The following RMND5A variants were observed in gnomAD, a reference collection of about 807,000 sequenced individuals.
RMND5A encodes E3 ubiquitin-protein transferase RMND5A.
A neutral mutation model predicts 49.7 loss-of-function variants in RMND5A; 17 were observed. That is an observed-to-expected ratio of 0.34 (90% confidence interval 0.23 to 0.51). The LOEUF (loss-of-function observed/expected upper bound fraction) is 0.51. Among genes scored for constraint, RMND5A ranks in the 20% least tolerant of loss-of-function variants. The pLI is 0.96. For missense variants in RMND5A, 255 were observed against 471.3 expected (o/e 0.54, Z 4.25); for synonymous variants, 156 against 167.7 (o/e 0.93, Z 0.54).
intron 2 of RMND5A, among the ~76,000 whole-genome samples, chr2:86,743,715 G>A (rs149819712): frequency 2.9e-4 from 44 of 152,252 alleles, no homozygotes; most frequent in Non-Finnish European, 5.7e-4. Context: ...GCTGGGCGTG[G>A]TGGCTCACAC....
chr2:86,767,113 G>T (rs2104409599), intron 6 of RMND5A, among the ~76,000 whole-genome samples: 1 of 152,216 alleles, frequency 6.6e-6, no homozygotes, highest in East Asian at 1.9e-4. Context: ...CCCCTGGCTG[G>T]AGTGTAGTGG....
intron 4 of RMND5A, among the ~76,000 whole-genome samples, chr2:86,759,612 G>GCCCCCCCCCC (rs144501224): frequency 8.2e-5 from 12 of 146,126 alleles, no homozygotes; most frequent in Non-Finnish European, 1.4e-4. Flanking sequence ...TAGTTTGCTT[G>GCCCCCCCCCC]CCCCCCCGCC....
chr2:86,757,458 C>T (rs1681764245), intron 4 of RMND5A, among the ~76,000 whole-genome samples: 1 of 152,104 alleles, frequency 6.6e-6, no homozygotes, highest in African/African-American at 2.4e-5. Context: ...AGTAGGCCCT[C>T]AATGAATAAC....
chr2:86,773,812 G>A lies in RMND5A; in HGVS notation c.*401G>A, dbSNP rs1334282046. The A allele has an allele frequency of 6.4e-6, 1 of 155,164 alleles. No homozygotes were observed. The highest frequency in any genetic ancestry group is 1.4e-5 in the Non-Finnish European group (1 of 69,950). 9.6% of individuals were successfully genotyped at this position (155,164 alleles called of 1,614,324 possible). On this transcript the variant is annotated 3_prime_UTR_variant, in exon 9 of 9. Coordinates refer to ENST00000283632, the MANE Select transcript of RMND5A (RefSeq NM_022780.4). ...AAGCCTTGAGAGTGTTTGTGAAAAA[G>A]TTTTATTTCCTGTTATGTATACATA...
intron 3 of RMND5A, among the ~76,000 whole-genome samples, 185 bp downstream of exon 3, chr2:86,752,215 A>G (rs1681648162): frequency 6.6e-6 from 1 of 152,232 alleles, no homozygotes; most frequent in African/African-American, 2.4e-5. Context: ...GGCAAAAATT[A>G]TAGTTCTAGA....
Position 86,774,760 on chromosome 2 carries a change from C to G in RMND5A, c.*1349C>G, listed in dbSNP as rs1468001596. 6.6e-6 allele frequency: 1 copy of G among 152,540 alleles called. No individual in the cohort carries two copies. The highest frequency in any genetic ancestry group is 1.5e-5 in the Non-Finnish European group (1 of 68,018). The allele number at this position is 152,540 out of a possible 1,614,324, so 9.4% of individuals were successfully genotyped here. On this transcript the variant is annotated 3_prime_UTR_variant, in exon 9 of 9. Coordinates refer to ENST00000283632, the MANE Select transcript of RMND5A (RefSeq NM_022780.4). ...GAGTGAACATCAATAGGAATACTTT[C>G]AAAGAAAATGAAAACACAGAAGCAA...
At chr2:86,771,852 TTG>T (rs1672690304) in intron 8 of RMND5A, 140 bp downstream of exon 8, 1 of 680,248 alleles carries the variant, frequency 1.5e-6, no homozygotes, top group African/African-American at 1.8e-5. Flanking sequence ...TTTGGCAAAG[TTG>T]GTGGTATCTG....
intron 4 of RMND5A, among the ~76,000 whole-genome samples, chr2:86,754,362 G>A (rs1266363237): frequency 6.6e-6 from 1 of 152,206 alleles, no homozygotes; most frequent in African/African-American, 2.4e-5. Context: ...AAAATAAAGG[G>A]AAGAAACTGG....
chr2:86,753,412 C>A (rs771046358), intron 3 of RMND5A, 46 bp from the exon 4 acceptor site: 2 of 1,145,028 alleles, frequency 1.7e-6, no homozygotes, highest in South Asian at 1.3e-5. Context: ...TAGCTCCTTA[C>A]CCTGATTACT....
At chr2:86,769,224 G>A (rs889841961) in intron 6 of RMND5A, among the ~76,000 whole-genome samples, 1 of 152,192 alleles carries the variant, frequency 6.6e-6, no homozygotes, top group Non-Finnish European at 1.5e-5. Context: ...GCAATTACAG[G>A]AGTGAGCCAC....
chr2:86,728,948 A>T (rs1681312846), intron 1 of RMND5A, among the ~76,000 whole-genome samples: 2 of 151,620 alleles, frequency 1.3e-5, no homozygotes, highest in Admixed American at 1.3e-4. Flanking sequence ...TAGAGACGAG[A>T]TTTTACCATG....
At chr2:86,753,875 G>A (rs1681683984) in intron 4 of RMND5A, among the ~76,000 whole-genome samples, 1 of 152,206 alleles carries the variant, frequency 6.6e-6, no homozygotes, top group Admixed American at 6.5e-5. Flanking sequence ...GCCAGTGCAA[G>A]TTTGATATTT....
intron 1 of RMND5A, among the ~76,000 whole-genome samples, chr2:86,734,109 AACAGGGCTTTCCC>A (rs1387838975): frequency 7.1e-6 from 1 of 140,188 alleles, no homozygotes; most frequent in African/African-American, 3.0e-5. Context: ...TTTCTCTCTT[AACAGGGCTTTCCC>A]AGGGTTCTCT....
intron 4 of RMND5A, among the ~76,000 whole-genome samples, chr2:86,764,756 G>A (rs1235037845): frequency 1.3e-5 from 2 of 152,196 alleles, no homozygotes; most frequent in Non-Finnish European, 2.9e-5. Context: ...GTGGTCCTAT[G>A]CAAGTTCAGA....
At chr2:86,760,963 GAAGT>G (rs1351709848) in intron 4 of RMND5A, among the ~76,000 whole-genome samples, 3 of 121,368 alleles carry the variant, frequency 2.5e-5, no homozygotes, top group East Asian at 5.3e-4. Flanking sequence ...TTGAGAGAGA[GAAGT>G]GTGTGTGTGT....
Position 86,765,194 on chromosome 2 carries a change from G to A in RMND5A, c.688+1G>A. 1.9e-6 allele frequency: 3 copies of A among 1,578,592 alleles called. No homozygotes were observed. The highest frequency in any genetic ancestry group is 1.7e-6 in the Non-Finnish European group (2 of 1,166,970). ...CCATTTGCCCTAAATCATCAAAAAG[G>A]TGAGTCTAGAGTCAGATGTTATTAA... On this transcript the variant is annotated splice_donor_variant, in intron 5 of 8. Coordinates refer to ENST00000283632, the MANE Select transcript of RMND5A (RefSeq NM_022780.4). LOFTEE classifies it high-confidence loss of function.
At chr2:86,755,117 T>A (rs975311194) in intron 4 of RMND5A, among the ~76,000 whole-genome samples, 17 of 151,580 alleles carry the variant, frequency 1.1e-4, no homozygotes, top group Admixed American at 8.5e-4. Context: ...AACTACTTTT[T>A]TTTTTTTTTT....
intron 6 of RMND5A, among the ~76,000 whole-genome samples, chr2:86,766,504 AAC>A (rs1672596478): frequency 6.6e-6 from 1 of 152,040 alleles, no homozygotes; most frequent in African/African-American, 2.4e-5. Flanking sequence ...CTCTACTAAA[AAC>A]ACAAAAAATT....
chr2:86,764,956 G>A, intron 4 of RMND5A, 71 bp from the exon 5 acceptor site: 1 of 1,448,082 alleles, frequency 6.9e-7, no homozygotes, highest in South Asian at 1.4e-5. Context: ...TGTTTTACTG[G>A]GTTTCAAATA....
Sources: gnomAD v4.1 joint callset for allele counts (sites outside exome capture counted in the v4.1 genomes callset) on GRCh38, gnomAD v4.1.1 for gene constraint, MANE v1.5 for transcripts, NCBI Gene and HGNC (gene_info 2026-07-23, HGNC 2026-07-21) for gene names.